ANK3: variants seen among roughly 807,000 people sequenced by gnomAD.
The protein encoded by ANK3 is ankyrin-3.
A neutral mutation model predicts 370.9 loss-of-function variants in ANK3; 57 were observed. The observed-to-expected ratio is 0.15, with a 90% CI of 0.12 to 0.19. The LOEUF is 0.19. ANK3 is among the 10% of genes least tolerant of loss of function. The pLI, the probability that ANK3 is intolerant of heterozygous loss-of-function variation, is 1.00. For synonymous variants in ANK3, 1,929 were observed against 1,946.3 expected, an observed-to-expected ratio of 0.99 and a Z score of 0.23; for missense variants, 4,439 against 5,302.1, an observed-to-expected ratio of 0.84 and a Z score of 5.06.
chr10:60,030,625 G>A (rs12357206), intron 43 of ANK3, among the ~76,000 whole-genome samples: 54,264 of 152,016 alleles, frequency 0.36, 12,238 homozygotes, highest in Non-Finnish European at 0.51. Context: ...CAGTCAGATA[G>A]AGCCTTGGCG....
chr10:60,088,025 G>T, intron 29 of ANK3, 122 bp downstream of exon 29: 2 of 764,206 alleles, frequency 2.6e-6, no homozygotes, highest in Non-Finnish European at 4.4e-6. Flanking sequence ...ATAGGTAAAT[G>T]ATTCCCCAAA....
At chr10:60,522,949 T>C (rs1314111226) in intron 2 of ANK3, among the ~76,000 whole-genome samples, 1 of 152,070 alleles carries the variant, frequency 6.6e-6, no homozygotes, top group African/African-American at 2.4e-5. Flanking sequence ...ATGGGTGGTG[T>C]CAATTGAATC....
chr10:60,707,645 A>G (rs954246739), intron 1 of ANK3, among the ~76,000 whole-genome samples: 2 of 151,210 alleles, frequency 1.3e-5, no homozygotes, highest in African/African-American at 4.8e-5. Context: ...TATATAGATT[A>G]TAGATTTAAA....
intron 2 of ANK3, among the ~76,000 whole-genome samples, chr10:60,459,364 G>A (rs1024648138): frequency 6.6e-6 from 1 of 152,004 alleles, no homozygotes; most frequent in Non-Finnish European, 1.5e-5. Flanking sequence ...GGCAGGTCGG[G>A]GACACTGCCA....
chr10:60,490,401 CA>C (rs1187547309), intron 2 of ANK3, among the ~76,000 whole-genome samples: 1 of 152,182 alleles, frequency 6.6e-6, no homozygotes, highest in Admixed American at 6.5e-5. Flanking sequence ...CGCACTTCCT[CA>C]AACCTCCTGC....
intron 1 of ANK3, among the ~76,000 whole-genome samples, chr10:60,308,362 T>A (rs1396968083): frequency 7.0e-6 from 1 of 142,694 alleles, no homozygotes; most frequent in African/African-American, 2.6e-5. Flanking sequence ...TGCCGTGGCA[T>A]GATCTCGGCT....
chr10:60,057,342 C>T (rs1299045702), intron 41 of ANK3, among the ~76,000 whole-genome samples: 2 of 151,970 alleles, frequency 1.3e-5, no homozygotes, highest in Non-Finnish European at 2.9e-5. Flanking sequence ...TTGTAGCTTG[C>T]GTATTATTTT....
chr10:60,164,838 C>G (rs550231250), intron 23 of ANK3, among the ~76,000 whole-genome samples: 1 of 152,128 alleles, frequency 6.6e-6, no homozygotes, highest in African/African-American at 2.4e-5. Context: ...ACATTAAATT[C>G]GGCAATACCA....
At chr10:60,368,505 T>C (rs2059695516) in intron 1 of ANK3, among the ~76,000 whole-genome samples, 1 of 152,126 alleles carries the variant, frequency 6.6e-6, no homozygotes, top group African/African-American at 2.4e-5. Flanking sequence ...TAACTTTACA[T>C]GTATTGATCA....
chr10:60,375,751 T>C (rs1452259748), intron 1 of ANK3, among the ~76,000 whole-genome samples: 2 of 152,230 alleles, frequency 1.3e-5, no homozygotes, highest in Non-Finnish European at 2.9e-5. Flanking sequence ...TATTCCCTAC[T>C]TCCCCCAACA....
intron 1 of ANK3, among the ~76,000 whole-genome samples, chr10:60,730,080 A>T (rs921490032): frequency 6.6e-6 from 1 of 152,192 alleles, no homozygotes; most frequent in Admixed American, 6.5e-5. Context: ...ATGTTACCAC[A>T]TTTTTTAGAG....
chr10:60,493,561 T>C (rs546566645), intron 2 of ANK3, among the ~76,000 whole-genome samples: 1 of 152,172 alleles, frequency 6.6e-6, no homozygotes, highest in Admixed American at 6.5e-5. Context: ...GACTTTTAGG[T>C]AAAGAGATTA....
At chr10:60,243,840 T>C (rs1294423686) in intron 7 of ANK3, among the ~76,000 whole-genome samples, 1 of 152,076 alleles carries the variant, frequency 6.6e-6, no homozygotes, top group Non-Finnish European at 1.5e-5. Flanking sequence ...AGGTGGATCT[T>C]ATGAGGGATG....
At chr10:60,032,722 C>G (rs939618725) in intron 43 of ANK3, among the ~76,000 whole-genome samples, 10 of 152,104 alleles carry the variant, frequency 6.6e-5, no homozygotes, top group African/African-American at 2.4e-4. Context: ...CACTTATATT[C>G]CAGTGAGGAT....
chr10:60,283,791 G>C (rs1343090153), intron 1 of ANK3, among the ~76,000 whole-genome samples: 1 of 152,118 alleles, frequency 6.6e-6, no homozygotes, highest in Non-Finnish European at 1.5e-5. Context: ...CATTTTCAGA[G>C]TGCCAACCTC....
chr10:60,585,210 C>T (rs2077814578), intron 2 of ANK3, among the ~76,000 whole-genome samples: 1 of 152,098 alleles, frequency 6.6e-6, no homozygotes, highest in East Asian at 1.9e-4. Flanking sequence ...AGTTAGAGAG[C>T]CTTGATGTAT....
At position 60,519,697 on chromosome 10, in the gene ANK3, C is replaced by A. The variant is rs73273167; in HGVS notation, c.96+95489G>T. Among the ~76,000 whole-genome samples, 949 of 152,172 alleles carry A rather than the reference C, an allele frequency of 6.2e-3. 12 individuals carry two copies. Among genetic ancestry groups the A allele is most frequent in the African/African-American group, 0.022 (917 of 41,514 alleles). On this transcript the variant is annotated intron_variant, in intron 2 of 43. Coordinates refer to the ANK3 transcript ENST00000373827. ...ATTCGACACCTACTATGCTCTAGGCCCTGTTCTAGATACTGGGGACACTGG... is the reference window on the plus strand; with the variant it reads ...ATTCGACACCTACTATGCTCTAGGCACTGTTCTAGATACTGGGGACACTGG...
intron 1 of ANK3, among the ~76,000 whole-genome samples, chr10:60,378,053 C>A (rs893634907): frequency 1.3e-5 from 2 of 152,162 alleles, no homozygotes; most frequent in African/African-American, 4.8e-5. Context: ...CAAGCCCCCT[C>A]CTCAAATTCA....
chr10:60,657,321 C>A (rs1320995957), intron 1 of ANK3, among the ~76,000 whole-genome samples: 1 of 152,034 alleles, frequency 6.6e-6, no homozygotes. Context: ...GGGACACAAC[C>A]AAACCATATC....
Sources: gnomAD v4.1 joint callset for allele counts (sites outside exome capture counted in the v4.1 genomes callset) on GRCh38, gnomAD v4.1.1 for gene constraint, MANE v1.5 for transcripts, NCBI Gene and HGNC (gene_info 2026-07-23, HGNC 2026-07-21) for gene names.